SH3D19: variants seen among roughly 807,000 people sequenced by gnomAD.
SH3D19 encodes SH3 domain-containing protein 19.
A neutral mutation model predicts 112.1 loss-of-function variants in SH3D19; 58 were observed. That is an observed-to-expected ratio of 0.52 (90% CI 0.42 to 0.64). The LOEUF (loss-of-function observed/expected upper bound fraction) is 0.64. SH3D19 is among the 30% of genes least tolerant of loss of function. SH3D19 has a pLI of 0.00. For synonymous variants in SH3D19, 391 were observed against 448.5 expected (o/e 0.87, Z 1.62); for missense variants, 1,090 against 1,263.4 (o/e 0.86, Z 2.08).
rs187175915 is a variant in SH3D19, at chr4:151,148,742, G to A, written c.1818-556C>T. Among the ~76,000 whole-genome samples the A allele has an allele frequency of 1.6e-4, 25 of 152,172 alleles. 1 individual carries two copies. The highest frequency in any genetic ancestry group is 6.8e-3 in the Middle Eastern group (2 of 294). On this transcript the variant is annotated intron_variant, in intron 10 of 19. Transcript: ENST00000604030. Reference sequence around the variant, plus strand: ...TTGAAAGCCTTTCCTTAATCCCTACGATAGAAATAATTTTCGGCTGGGAGT... The same window carrying A: ...TTGAAAGCCTTTCCTTAATCCCTACAATAGAAATAATTTTCGGCTGGGAGT...
intron 1 of SH3D19, among the ~76,000 whole-genome samples, chr4:151,249,395 T>C (rs1311626848): frequency 6.6e-6 from 1 of 152,214 alleles, no homozygotes; most frequent in African/African-American, 2.4e-5. Context: ...ATGGAGATCA[T>C]AAATAAAATA....
rs1759675850 is a variant in SH3D19 at position 151,174,844 on chromosome 4, A to T, written c.1360T>A (p.Ser454Thr). 1 of 1,590,158 alleles carries T rather than the reference A, an allele frequency of 6.3e-7. No homozygotes were observed. The highest frequency in any genetic ancestry group is 8.6e-7 in the Non-Finnish European group (1 of 1,168,616). Residue 454 changes from serine to threonine, a missense_variant, in exon 7 of 20, where the codon TCA becomes ACA. Coordinates refer to ENST00000604030, the MANE Select transcript of SH3D19 (RefSeq NM_001378122.1). ...VTVPPRLAGA[S>T]QAKAYKSLGE... Reference sequence around the variant, plus strand: ...AGTGACTTGTATGCTTTGGCTTGTGATGCCCCTGCGAGTCGGGGAGGAACA... The same window carrying T: ...AGTGACTTGTATGCTTTGGCTTGTGTTGCCCCTGCGAGTCGGGGAGGAACA...
intron 3 of SH3D19, 90 bp from the exon 4 acceptor site, chr4:151,179,487 T>C: frequency 1.6e-6 from 1 of 628,906 alleles, no homozygotes; most frequent in Non-Finnish European, 2.3e-6. Flanking sequence ...TGGAAAAAGC[T>C]TATACTTGAC....
chr4:151,294,941 G>A (rs549358763), intron 1 of SH3D19, among the ~76,000 whole-genome samples: 20 of 151,330 alleles, frequency 1.3e-4, no homozygotes, highest in Non-Finnish European at 1.9e-4. Context: ...GAGGAGGGAA[G>A]CAAGGACTAA....
rs778199152 is a variant in SH3D19, at chr4:151,175,235, A to G, written c.969T>C (p.Pro323=). 6.2e-7 allele frequency: 1 copy of G among 1,614,156 alleles called. No homozygotes were observed. The highest frequency in any genetic ancestry group is 1.1e-5 in the South Asian group (1 of 91,078). ...KKPEITPRSL[P]PKPTVSSGKP... ...TCCCTGAGGAAACAGTAGGCTTTGG[A>G]GGAAGTGAACGTGGAGTAATTTCTG... Residue 323 remains proline (P), a synonymous_variant, in exon 7 of 20, where the codon CCT becomes CCC. Coordinates refer to ENST00000604030, the MANE Select transcript of SH3D19 (RefSeq NM_001378122.1).
intron 1 of SH3D19, among the ~76,000 whole-genome samples, chr4:151,235,845 A>G (rs1769994689): frequency 6.6e-6 from 1 of 152,212 alleles, no homozygotes; most frequent in South Asian, 2.1e-4. Context: ...CTGGTACCTA[A>G]GCAAAGACAA....
rs1006228113 is a variant in SH3D19, at chr4:151,322,543, G to T, written c.112+2698C>A. Among the ~76,000 whole-genome samples, 4 of 127,834 alleles carry T rather than the reference G, an allele frequency of 3.1e-5. No individual in the cohort carries two copies. The South Asian group carries it at 1.0e-3, about 33-fold the overall frequency. 83.9% of individuals were successfully genotyped at this position (127,834 alleles called of 152,430 possible). A position where few individuals can be genotyped will look rare whatever the true frequency, so the allele number is the denominator to read the frequency against. On this transcript the variant is annotated intron_variant, in intron 1 of 19. Coordinates refer to ENST00000604030, the MANE Select transcript of SH3D19 (RefSeq NM_001378122.1). ...TCAACTGAGCTTTTTATTTATTTTAGAATCATGCTGAAGATATTTTATTAC... is the reference window on the plus strand; with the variant it reads ...TCAACTGAGCTTTTTATTTATTTTATAATCATGCTGAAGATATTTTATTAC...
chr4:151,246,996 G>A (rs1770991964), intron 1 of SH3D19, among the ~76,000 whole-genome samples: 1 of 152,200 alleles, frequency 6.6e-6, no homozygotes, highest in African/African-American at 2.4e-5. Context: ...TGACGGTGCT[G>A]GGGTTCCAAA....
intron 19 of SH3D19, among the ~76,000 whole-genome samples, chr4:151,123,064 C>A (rs769298330): frequency 1.3e-5 from 2 of 152,242 alleles, no homozygotes; most frequent in Admixed American, 1.3e-4. Flanking sequence ...GTTGGCCAGG[C>A]TGGTCTCAAA....
chr4:151,213,961 C>T (rs1398525037), intron 2 of SH3D19, among the ~76,000 whole-genome samples: 5 of 150,722 alleles, frequency 3.3e-5, no homozygotes, highest in East Asian at 2.0e-4. Context: ...GGAAGGTCAG[C>T]AGATAAACAA....
chr4:151,264,090 C>A (rs1217965875), intron 1 of SH3D19, among the ~76,000 whole-genome samples: 2 of 152,126 alleles, frequency 1.3e-5, no homozygotes, highest in African/African-American at 4.8e-5. Flanking sequence ...CAGGCATGGG[C>A]AACCATGCCT....
intron 8 of SH3D19, among the ~76,000 whole-genome samples, chr4:151,163,537 T>C (rs1325717551): frequency 2.0e-5 from 3 of 151,790 alleles, no homozygotes; most frequent in Non-Finnish European, 2.9e-5. Flanking sequence ...TTGTGGGCTA[T>C]ATAATATTGT....
Position 151,197,044 on chromosome 4 carries a change from G to A in SH3D19, c.153-9581C>T, listed in dbSNP as rs1238118478. 2.0e-5 allele frequency among the ~76,000 whole-genome samples: 3 copies of A among 152,314 alleles called. No homozygotes were observed. The East Asian group carries it at 5.8e-4, about 29-fold the overall frequency. On this transcript the variant is annotated intron_variant, in intron 2 of 19. Transcript: ENST00000604030. ...AAAAGGGAACACTTTGACACTGCTA[G>A]TGGGAATGTAAACTAGTACAGCCAC...
chr4:151,226,710 C>T (rs1167641303), intron 1 of SH3D19: 2 of 153,402 alleles, frequency 1.3e-5, no homozygotes, highest in African/African-American at 4.8e-5. Flanking sequence ...TGCTAAAGAT[C>T]CTACAATGCA....
At chr4:151,188,619 G>C (rs1216527027) in intron 2 of SH3D19, among the ~76,000 whole-genome samples, 1 of 152,094 alleles carries the variant, frequency 6.6e-6, no homozygotes, top group Non-Finnish European at 1.5e-5. Context: ...ATATGGAAGG[G>C]GTAACAGCCC....
intron 3 of SH3D19, among the ~76,000 whole-genome samples, chr4:151,184,642 C>G (rs1388447681): frequency 6.6e-6 from 1 of 152,116 alleles, no homozygotes; most frequent in East Asian, 1.9e-4. Flanking sequence ...TGGCTCCAGT[C>G]TGATCCCTCC....
chr4:151,286,522 A>T, intron 1 of SH3D19, among the ~76,000 whole-genome samples: 1 of 151,682 alleles, frequency 6.6e-6, no homozygotes, highest in East Asian at 1.9e-4. Context: ...AGAAACACAC[A>T]AACTACCATA....
At position 151,148,254 on chromosome 4, in the gene SH3D19, T is replaced by TACACACACAC. The variant is rs34219685; in HGVS notation, c.1818-78_1818-69dup. ...TATTAAATTCTGTCCTGTCCTGTCTTACACACACACACACACACACACACA... is the reference window on the plus strand; with the variant it reads ...TATTAAATTCTGTCCTGTCCTGTCTTACACACACACACACACACACACACACACACACACA... On this transcript the variant is annotated intron_variant, in intron 10 of 19. Coordinates refer to ENST00000604030, the MANE Select transcript of SH3D19 (RefSeq NM_001378122.1). The TACACACACAC allele has an allele frequency of 2.8e-3, 2,724 of 983,550 alleles. 15 individuals carry two copies. The highest frequency in any genetic ancestry group is 0.026 in the African/African-American group (1,399 of 54,814). The allele number at this position is 983,550 out of a possible 1,614,324, so 60.9% of individuals were successfully genotyped here.
At chr4:151,293,286 C>T (rs1030240525) in intron 1 of SH3D19, among the ~76,000 whole-genome samples, 3 of 150,638 alleles carry the variant, frequency 2.0e-5, no homozygotes, top group African/African-American at 2.4e-5. Context: ...CTGGCTAACA[C>T]GGTGAAACCC....
Sources: gnomAD v4.1 joint callset for allele counts (sites outside exome capture counted in the v4.1 genomes callset) on GRCh38, gnomAD v4.1.1 for gene constraint, MANE v1.5 for transcripts, NCBI Gene and HGNC (gene_info 2026-07-23, HGNC 2026-07-21) for gene names.